Variants in PIWIL2 observed in about 807,000 individuals in gnomAD.
PIWIL2 encodes piwi-like protein 2.
A neutral mutation model predicts 116.5 loss-of-function variants in PIWIL2; 81 were observed. The observed-to-expected ratio is 0.70, with a 90% CI of 0.58 to 0.84. PIWIL2 has a LOEUF of 0.84. PIWIL2 is among the 40% of genes least tolerant of loss of function. The pLI is 0.00. For missense variants in PIWIL2, 1,272 were observed against 1,212.3 expected (o/e 1.05, Z -0.73); for synonymous variants, 489 against 429.5 (o/e 1.14, Z -1.71).
chr8:22,350,378 T>G (rs1832326843), intron 20 of PIWIL2, among the ~76,000 whole-genome samples: 1 of 151,902 alleles, frequency 6.6e-6, no homozygotes, highest in South Asian at 2.1e-4. Context: ...GGCAGATCAC[T>G]GAGTCCAGGA....
At chr8:22,292,122 G>A (rs765314222) in intron 10 of PIWIL2, among the ~76,000 whole-genome samples, 3 of 152,190 alleles carry the variant, frequency 2.0e-5, no homozygotes, top group Non-Finnish European at 4.4e-5. Context: ...CATGCAGGGT[G>A]GCTAGAGCCG....
intron 10 of PIWIL2, among the ~76,000 whole-genome samples, chr8:22,303,740 T>C (rs1170994124): frequency 2.0e-5 from 3 of 152,122 alleles, no homozygotes; most frequent in African/African-American, 7.2e-5. Flanking sequence ...CTTAAGCTTT[T>C]TCCTTTTTTT....
chr8:22,299,030 G>C (rs1418452942), intron 10 of PIWIL2, among the ~76,000 whole-genome samples: 1 of 152,042 alleles, frequency 6.6e-6, no homozygotes, highest in African/African-American at 2.4e-5. Flanking sequence ...TTATTACTAT[G>C]GTGACAGAGT....
intron 12 of PIWIL2, among the ~76,000 whole-genome samples, chr8:22,305,302 C>T (rs1831149712): frequency 6.6e-6 from 1 of 152,068 alleles, no homozygotes; most frequent in Non-Finnish European, 1.5e-5. Flanking sequence ...ACATCATTCT[C>T]CTGCCTCAGC....
At chr8:22,351,628 C>G (rs570855648) in intron 20 of PIWIL2, among the ~76,000 whole-genome samples, 5 of 150,290 alleles carry the variant, frequency 3.3e-5, no homozygotes, top group African/African-American at 1.2e-4. Context: ...ACCTCCACCT[C>G]CCAGGTTCAA....
rs997565316 is a variant in PIWIL2 at position 22,357,098 on chromosome 8, A to C, written c.*1593A>C. ...CTCCGTAAAATGTGCTCACTTCAGC[A>C]GCACATATACTAAAATTAAAATGAT... On this transcript the variant is annotated 3_prime_UTR_variant, in exon 23 of 23. Transcript: ENST00000356766. 6.6e-6 allele frequency: 1 copy of C among 152,252 alleles called. No individual in the cohort carries two copies. The highest frequency in any genetic ancestry group is 6.5e-5 in the Admixed American group (1 of 15,276). 9.4% of individuals were successfully genotyped at this position (152,252 alleles called of 1,614,324 possible).
chr8:22,307,118 G>A (rs4510862), intron 13 of PIWIL2, among the ~76,000 whole-genome samples: 75,097 of 152,112 alleles, frequency 0.49, 20,342 homozygotes, highest in East Asian at 0.82. Flanking sequence ...ATGGTTTTCT[G>A]TTTTGTTTGG....
At chr8:22,296,395 C>G in intron 10 of PIWIL2, among the ~76,000 whole-genome samples, 1 of 152,170 alleles carries the variant, frequency 6.6e-6, no homozygotes, top group East Asian at 1.9e-4. Flanking sequence ...CTCATAACTG[C>G]TGCTTTCTTG....
At chr8:22,355,221 A>G in intron 22 of PIWIL2, 128 bp from the exon 23 acceptor site, 1 of 759,734 alleles carries the variant, frequency 1.3e-6, no homozygotes, top group Non-Finnish European at 2.2e-6. Flanking sequence ...TGCATCATGT[A>G]TTCCTCTGCT....
rs577642310 is a variant in PIWIL2, at chr8:22,321,550, C to T, written c.2403+3275C>T. On this transcript the variant is annotated intron_variant, in intron 20 of 22. Coordinates refer to ENST00000356766, the MANE Select transcript of PIWIL2 (RefSeq NM_018068.5). Reference sequence around the variant, plus strand: ...TTGCAAAATGAAGACCTCATCTCTACAAAAAAATTGAAAAAATAAGCCAGG... The same window carrying T: ...TTGCAAAATGAAGACCTCATCTCTATAAAAAAATTGAAAAAATAAGCCAGG... 5.3e-5 allele frequency among the ~76,000 whole-genome samples: 8 copies of T among 151,172 alleles called. No individual in the cohort carries two copies. In the South Asian group the frequency reaches 1.1e-3, roughly 20 times the overall value.
chr8:22,310,215 A>G, intron 15 of PIWIL2, 141 bp downstream of exon 15: 1 of 577,136 alleles, frequency 1.7e-6, no homozygotes, highest in Non-Finnish European at 3.1e-6. Context: ...CTAACCAGGG[A>G]TCCTTCAAAC....
At chr8:22,327,581 G>T (rs897981539) in intron 20 of PIWIL2, among the ~76,000 whole-genome samples, 1 of 151,842 alleles carries the variant, frequency 6.6e-6, no homozygotes, top group Non-Finnish European at 1.5e-5. Context: ...TGGTCAGGCT[G>T]GTCTCAAGCT....
intron 20 of PIWIL2, among the ~76,000 whole-genome samples, chr8:22,330,978 C>T (rs908715289): frequency 6.6e-6 from 1 of 151,998 alleles, no homozygotes; most frequent in African/African-American, 2.4e-5. Flanking sequence ...AGTTCGAGAC[C>T]AGCCTGGCCA....
chr8:22,291,893 G>A lies in PIWIL2; in HGVS notation c.1181+1547G>A, dbSNP rs533572579. 3.9e-5 allele frequency among the ~76,000 whole-genome samples: 6 copies of A among 152,196 alleles called. No homozygotes were observed. In the South Asian group the frequency reaches 1.0e-3, roughly 26 times the overall value. On this transcript the variant is annotated intron_variant, in intron 10 of 22. Coordinates refer to ENST00000356766, the MANE Select transcript of PIWIL2 (RefSeq NM_018068.5). ...ATAAATTGTATAGTGTAATAAAAGC[G>A]ATAAGAGCCATGGAAAAAAGAAAAA...
At position 22,282,271 on chromosome 8, in the gene PIWIL2, T is replaced by G. The variant is rs868473720; in HGVS notation, c.425+756T>G. On this transcript the variant is annotated intron_variant, in intron 4 of 22. Coordinates refer to ENST00000356766, the MANE Select transcript of PIWIL2 (RefSeq NM_018068.5). ...TTTTTTTTTTTTTTTTTTTTTTTTT[T>G]GGAGACAGTCTCACTCTGTCACCAG... Among the ~76,000 whole-genome samples, 7 of 85,800 alleles carry G rather than the reference T, an allele frequency of 8.2e-5. No individual in the cohort carries two copies. In the South Asian group the frequency reaches 1.9e-3, roughly 23 times the overall value. 56.3% of individuals were successfully genotyped at this position (85,800 alleles called of 152,430 possible). A position where few individuals can be genotyped will look rare whatever the true frequency, so the allele number is the denominator to read the frequency against.
chr8:22,354,438 G>C, intron 22 of PIWIL2, 60 bp downstream of exon 22: 3 of 1,053,454 alleles, frequency 2.8e-6, no homozygotes, highest in Non-Finnish European at 4.5e-6. Flanking sequence ...TGCTAGCTAA[G>C]ATGGGCTCAC....
intron 10 of PIWIL2, among the ~76,000 whole-genome samples, chr8:22,299,508 A>G (rs370640980): frequency 6.6e-6 from 1 of 152,072 alleles, no homozygotes; most frequent in South Asian, 2.1e-4. Flanking sequence ...GCGCCCAGTC[A>G]ATGATCTTTT....
intron 16 of PIWIL2, 104 bp downstream of exon 16, chr8:22,311,404 A>G: frequency 1.1e-6 from 1 of 910,074 alleles, no homozygotes; most frequent in Non-Finnish European, 1.7e-6. Flanking sequence ...ATGATGCCCT[A>G]GAACTTGTCT....
intron 20 of PIWIL2, among the ~76,000 whole-genome samples, chr8:22,320,102 A>G (rs1368925060): frequency 6.6e-6 from 1 of 151,968 alleles, no homozygotes; most frequent in Non-Finnish European, 1.5e-5. Context: ...AGCTGGGATT[A>G]TAGGCATGTG....
Sources: allele counts gnomAD v4.1 joint callset (sites outside exome capture counted in the v4.1 genomes callset), GRCh38; gene constraint gnomAD v4.1.1; transcripts MANE v1.5; gene names NCBI Gene and HGNC (gene_info 2026-07-23, HGNC 2026-07-21).